The following LRP1B variants were observed in gnomAD, a reference collection of about 807,000 sequenced individuals.
LRP1B encodes LDL receptor related protein 1B, also known as low-density lipoprotein receptor-related protein 1B.
Under a neutral mutation model 556.6 loss-of-function variants are expected in LRP1B, and 217 were observed. The ratio of observed to expected loss-of-function variants is 0.39; its 90% CI spans 0.35 to 0.44. LRP1B has a LOEUF of 0.44. Among genes scored for constraint, LRP1B ranks in the 20% least tolerant of loss-of-function variants. LRP1B has a pLI of 1.00. For missense variants in LRP1B, 5,053 were observed against 5,620.8 expected, an observed-to-expected ratio of 0.90 and a Z score of 3.23; for synonymous variants, 2,047 against 1,865.8, an observed-to-expected ratio of 1.10 and a Z score of -2.50.
In LRP1B at chr2:140,849,789, C is replaced by T. The variant is rs554634123; in HGVS notation, c.4939+313G>A. Among the ~76,000 whole-genome samples, 21 of 152,226 alleles carry T rather than the reference C, an allele frequency of 1.4e-4. No homozygotes were observed. The South Asian group carries it at 4.2e-3, about 30-fold the overall frequency. On this transcript the variant is annotated intron_variant, in intron 29 of 90. Transcript: ENST00000389484. ...TCCTGACCTCAAGTGATCCACCCGC[C>T]TCGGCCTCCCAAAGTGCCGGGATTA...
chr2:140,836,006 G>A (rs533441756), intron 31 of LRP1B, among the ~76,000 whole-genome samples: 11 of 152,174 alleles, frequency 7.2e-5, no homozygotes, highest in South Asian at 2.1e-4. Context: ...ACATATATAC[G>A]TATGTAAGTA....
At chr2:140,427,576 T>C (rs1394319584) in intron 66 of LRP1B, among the ~76,000 whole-genome samples, 4 of 152,172 alleles carry the variant, frequency 2.6e-5, no homozygotes, top group East Asian at 3.9e-4. Flanking sequence ...AATTTTTCCA[T>C]CCTACAAGAT....
intron 1 of LRP1B, among the ~76,000 whole-genome samples, chr2:141,844,273 G>A (rs1033882867): frequency 1.3e-5 from 2 of 152,018 alleles, no homozygotes; most frequent in Non-Finnish European, 2.9e-5. Context: ...TACCCAGAGT[G>A]GGTAAATTTA....
intron 7 of LRP1B, among the ~76,000 whole-genome samples, chr2:141,074,343 A>G (rs1330564942): frequency 6.6e-6 from 1 of 152,052 alleles, no homozygotes; most frequent in East Asian, 1.9e-4. Context: ...CTGTTTTTCC[A>G]ATATCAATTA....
At chr2:140,570,043 T>TA (rs944644014) in intron 43 of LRP1B, among the ~76,000 whole-genome samples, 2 of 151,620 alleles carry the variant, frequency 1.3e-5, no homozygotes, top group Non-Finnish European at 3.0e-5. Flanking sequence ...GCATTGTTAA[T>TA]AGGCAAGGCT....
chr2:141,115,988 G>T (rs1173117305), intron 7 of LRP1B, among the ~76,000 whole-genome samples: 3 of 151,870 alleles, frequency 2.0e-5, no homozygotes, highest in African/African-American at 7.3e-5. Context: ...CCTGCATTAG[G>T]GTACTAATTC....
chr2:140,983,693 T>C (rs1308614354), intron 17 of LRP1B, among the ~76,000 whole-genome samples: 2 of 152,122 alleles, frequency 1.3e-5, no homozygotes, highest in Non-Finnish European at 2.9e-5. Context: ...CTGGCTTGGT[T>C]TGATACATTA....
intron 2 of LRP1B, among the ~76,000 whole-genome samples, chr2:141,654,364 A>G (rs56870711): frequency 3.2e-4 from 49 of 152,320 alleles, no homozygotes; most frequent in African/African-American, 1.2e-3. Flanking sequence ...CTTGACAAAT[A>G]TGACCTGAGT....
At chr2:140,250,037 T>C (rs2104904716) in intron 86 of LRP1B, among the ~76,000 whole-genome samples, 1 of 152,008 alleles carries the variant, frequency 6.6e-6, no homozygotes, top group African/African-American at 2.4e-5. Context: ...ATATTCCATG[T>C]GCTGGTCATC....
At chr2:140,772,031 C>G (rs1172917076) in intron 33 of LRP1B, among the ~76,000 whole-genome samples, 1 of 152,160 alleles carries the variant, frequency 6.6e-6, no homozygotes, top group Admixed American at 6.6e-5. Context: ...ATACTCTCAA[C>G]TTGGGAGATT....
At chr2:140,546,566 A>G (rs1013511220) in intron 43 of LRP1B, among the ~76,000 whole-genome samples, 2 of 152,136 alleles carry the variant, frequency 1.3e-5, no homozygotes, top group African/African-American at 4.8e-5. Flanking sequence ...TTATAAAACC[A>G]TCAGTTCTTG....
At chr2:140,782,580 G>T (rs574287769) in intron 32 of LRP1B, among the ~76,000 whole-genome samples, 1 of 152,192 alleles carries the variant, frequency 6.6e-6, no homozygotes, top group South Asian at 2.1e-4. Context: ...CAGTCTGTGG[G>T]ACTTTGTTAT....
chr2:141,470,707 T>A (rs1400484101), intron 3 of LRP1B, among the ~76,000 whole-genome samples: 1 of 152,180 alleles, frequency 6.6e-6, no homozygotes. Context: ...AATATCAAGC[T>A]GCTGTGTCAA....
intron 7 of LRP1B, among the ~76,000 whole-genome samples, chr2:141,169,069 T>A (rs750983640): frequency 3.3e-5 from 5 of 151,872 alleles, no homozygotes; most frequent in Non-Finnish European, 5.9e-5. Flanking sequence ...GTGAATCACC[T>A]GAGGTCAGGA....
At chr2:141,569,186 A>C (rs1278823577) in intron 2 of LRP1B, among the ~76,000 whole-genome samples, 1 of 151,212 alleles carries the variant, frequency 6.6e-6, no homozygotes, top group African/African-American at 2.4e-5. Context: ...ATTTGAAAAC[A>C]ACTCAGGAAA....
chr2:140,293,690 A>G (rs150160895), intron 84 of LRP1B, among the ~76,000 whole-genome samples: 4 of 152,314 alleles, frequency 2.6e-5, no homozygotes, highest in African/African-American at 9.6e-5. Context: ...TACATCTAAT[A>G]GATTCTAAAT....
Position 141,464,606 on chromosome 2 carries a change from A to ATATTTTTTTTTTTTTTTTTT in LRP1B, c.343+15789_343+15790insAAAAAAAAAAAAAAAAAATA. 1.6e-3 allele frequency among the ~76,000 whole-genome samples: 147 copies of ATATTTTTTTTTTTTTTTTTT among 90,480 alleles called. 3 individuals carry two copies. Among genetic ancestry groups the ATATTTTTTTTTTTTTTTTTT allele is most frequent in the East Asian group, 2.8e-3 (10 of 3,588 alleles). 59.4% of individuals were successfully genotyped at this position (90,480 alleles called of 152,430 possible). On this transcript the variant is annotated intron_variant, in intron 3 of 90. Coordinates refer to ENST00000389484, the MANE Select transcript of LRP1B (RefSeq NM_018557.3). Reference sequence around the variant, plus strand: ...TTTGTATATATATATATATATATATATTTTTTTAGTAGAGATGGGGTTTCA... The same window carrying ATATTTTTTTTTTTTTTTTTT: ...TTTGTATATATATATATATATATATATATTTTTTTTTTTTTTTTTTTTTTTTTAGTAGAGATGGGGTTTCA...
intron 43 of LRP1B, among the ~76,000 whole-genome samples, chr2:140,557,219 C>A (rs1383525662): frequency 2.6e-5 from 4 of 152,076 alleles, no homozygotes; most frequent in African/African-American, 4.8e-5. Context: ...TCCTCATAAG[C>A]AAACTCTCAT....
intron 7 of LRP1B, among the ~76,000 whole-genome samples, chr2:141,082,558 C>G (rs553000293): frequency 6.6e-6 from 1 of 152,312 alleles, no homozygotes; most frequent in South Asian, 2.1e-4. Flanking sequence ...AAAATATTAT[C>G]TTACCCATGT....
Sources: allele counts gnomAD v4.1 joint callset (sites outside exome capture counted in the v4.1 genomes callset), GRCh38; gene constraint gnomAD v4.1.1; transcripts MANE v1.5; gene names NCBI Gene and HGNC (gene_info 2026-07-23, HGNC 2026-07-21).